The following RSPH10B variants were observed in gnomAD, a reference collection of about 807,000 sequenced individuals.
The protein encoded by RSPH10B is radial spoke head 10 homolog B (Chlamydomonas).
Under a neutral mutation model 52.5 loss-of-function variants are expected in RSPH10B, and 7 were observed. The ratio of observed to expected loss-of-function variants is 0.13; its 90% CI spans 0.08 to 0.25. The LOEUF is 0.25. Among genes scored for constraint, RSPH10B ranks in the 10% least tolerant of loss-of-function variants. RSPH10B has a pLI of 1.00. For missense variants in RSPH10B, 89 were observed against 542.5 expected (o/e 0.16, Z 8.30); for synonymous variants, 28 against 193.2 (o/e 0.14, Z 7.09).
At position 5,926,991 on chromosome 7, in the gene RSPH10B, G is replaced by A. The variant is rs528991878; in HGVS notation, c.2433-443C>T. 1.1e-4 allele frequency among the ~76,000 whole-genome samples: 17 copies of A among 151,250 alleles called. No homozygotes were observed. The Admixed American group carries it at 1.1e-3, about 10-fold the overall frequency. ...GCTGGTCTCAAACTCCTGACCTCAG[G>A]TGATCCACCCACCTCGGCCTCCCAA... On this transcript the variant is annotated intron_variant, in intron 18 of 18. Coordinates refer to ENST00000337579, the Ensembl canonical transcript of RSPH10B.
intron 5 of RSPH10B, 104 bp downstream of exon 7, chr7:5,958,889 C>G: frequency 1.4e-6 from 2 of 1,422,250 alleles, no homozygotes; most frequent in Non-Finnish European, 2.0e-6. Flanking sequence ...AGAAAATGTT[C>G]CGTGCAACTT....
chr7:5,927,059 T>TA (rs1779497721), intron 18 of RSPH10B, among the ~76,000 whole-genome samples: 2 of 85,852 alleles, frequency 2.3e-5, no homozygotes, highest in African/African-American at 4.9e-5. Flanking sequence ...TATGTGTGTG[T>TA]GTGTGTGTAT....
intron 9 of RSPH10B, among the ~76,000 whole-genome samples, chr7:5,950,290 G>A (rs1370151984): frequency 6.6e-6 from 1 of 152,064 alleles, no homozygotes; most frequent in South Asian, 2.1e-4. Flanking sequence ...GCAATATTCC[G>A]CCAGGTGCAG....
At chr7:5,931,144 C>T (rs1185224614) in intron 17 of RSPH10B, among the ~76,000 whole-genome samples, 12 of 141,212 alleles carry the variant, frequency 8.5e-5, no homozygotes, top group East Asian at 8.4e-4. Flanking sequence ...ATATTGGTCG[C>T]GCTGGTCTCG....
At chr7:5,956,848 C>G (rs1328407056) in intron 6 of RSPH10B, among the ~76,000 whole-genome samples, 1 of 96,830 alleles carries the variant, frequency 1.0e-5, no homozygotes, top group African/African-American at 3.5e-5. Flanking sequence ...ACGTGTGAGC[C>G]ACTGAGCCCA....
In RSPH10B at chr7:5,941,266, T is replaced by C. The variant is rs1780168902; in HGVS notation, c.1758+2058A>G. Among the ~76,000 whole-genome samples the C allele has an allele frequency of 3.5e-5, 5 of 141,442 alleles. No homozygotes were observed. In the South Asian group the frequency reaches 1.1e-3, roughly 31 times the overall value. The allele number at this position is 141,442 out of a possible 152,430, so 92.8% of individuals were successfully genotyped here. A position where few individuals can be genotyped will look rare whatever the true frequency, so the allele number is the denominator to read the frequency against. ...GCAGGAAGCCAAGATTGCACCACTGTACTCCAGCCTGGGTGACAGAGTGAG... is the reference window on the plus strand; with the variant it reads ...GCAGGAAGCCAAGATTGCACCACTGCACTCCAGCCTGGGTGACAGAGTGAG... On this transcript the variant is annotated intron_variant, in intron 13 of 18. Transcript: ENST00000337579.
chr7:5,942,030 T>C (rs1780220678), intron 13 of RSPH10B, among the ~76,000 whole-genome samples: 1 of 149,728 alleles, frequency 6.7e-6, no homozygotes, highest in Non-Finnish European at 1.5e-5. Context: ...GTGGCTGGGA[T>C]TACAGGCTCC....
intron 17 of RSPH10B, among the ~76,000 whole-genome samples, chr7:5,931,882 G>C (rs1779793858): frequency 6.6e-6 from 1 of 151,124 alleles, no homozygotes; most frequent in Non-Finnish European, 1.5e-5. Context: ...CCAGCTACTA[G>C]GGAGGCTGAG....
Position 5,928,331 on chromosome 7 carries a change from T to TACATA in RSPH10B, c.2292_2296dup (p.Tyr766LeufsTer7). On this transcript the variant is annotated frameshift_variant, in exon 18 of 19. Transcript: ENST00000337579. LOFTEE classifies it high-confidence loss of function. Reference sequence around the variant, plus strand: ...AAAGAGCGTGTTCACAAAGAAGACGTACATATTATTGACCCACGTGTTGAA... The same window carrying TACATA: ...AAAGAGCGTGTTCACAAAGAAGACGTACATAACATATTATTGACCCACGTGTTGAA... 1 of 1,613,276 alleles carries TACATA rather than the reference T, an allele frequency of 6.2e-7. No homozygotes were observed. Among genetic ancestry groups the TACATA allele is most frequent in the South Asian group, 1.1e-5 (1 of 91,074 alleles).
intron 18 of RSPH10B, among the ~76,000 whole-genome samples, chr7:5,927,090 G>GTATATATATA (rs1460769820): frequency 1.3e-5 from 1 of 74,426 alleles, no homozygotes; most frequent in African/African-American, 5.3e-5. Flanking sequence ...GTGTGTGTGT[G>GTATATATATA]TGTGTGTATT....
rs1353704507 is a variant in RSPH10B, at chr7:5,929,170, C to T, written c.2234-776G>A. ...GAGAATACAGGCATGTACCACCACA[C>T]GAGGCTAATTGTTTTAAGTATTACT... On this transcript the variant is annotated intron_variant, in intron 17 of 18. Coordinates refer to ENST00000337579, the Ensembl canonical transcript of RSPH10B. 3.4e-5 allele frequency among the ~76,000 whole-genome samples: 5 copies of T among 145,366 alleles called. 1 individual carries two copies. Among genetic ancestry groups the T allele is most frequent in the African/African-American group, 1.3e-4 (5 of 38,080 alleles).
chr7:5,941,794 A>G (rs1404837872), intron 13 of RSPH10B, among the ~76,000 whole-genome samples: 2 of 141,356 alleles, frequency 1.4e-5, no homozygotes, highest in East Asian at 1.9e-4. Context: ...GTATGAGAAC[A>G]TTGTATAAAT....
At chr7:5,932,078 C>T (rs1305252311) in intron 17 of RSPH10B, among the ~76,000 whole-genome samples, 2 of 142,310 alleles carry the variant, frequency 1.4e-5, no homozygotes, top group African/African-American at 5.3e-5. Flanking sequence ...GCAAGGCCAG[C>T]AGAGTAACAG....
rs186221893 is a variant in RSPH10B at position 5,929,220 on chromosome 7, T to C, written c.2234-826A>G. On this transcript the variant is annotated intron_variant, in intron 17 of 18. Transcript: ENST00000337579. The stretch of plus-strand genomic sequence containing the variant: ...TGTGAGGCAAGATCTTGCTCTGTCA[T>C]CCAGGCTGGAGTGCAGTGGTACCAT... Among the ~76,000 whole-genome samples the C allele has an allele frequency of 1.6e-3, 228 of 142,584 alleles. 24 individuals are homozygous for C. Among genetic ancestry groups the C allele is most frequent in the African/African-American group, 5.6e-3 (208 of 37,074 alleles). The allele number at this position is 142,584 out of a possible 152,430, so 93.5% of individuals were successfully genotyped here.
rs1780328383 is a variant in RSPH10B at position 5,943,636 on chromosome 7, C to CA, written c.1610-165dup. ...TTGGCTCGCTGCAACCTCCGCCCCCCAGGCTCAAGCGATTCTCCTGCCTCA... is the reference window on the plus strand; with the variant it reads ...TTGGCTCGCTGCAACCTCCGCCCCCCAAGGCTCAAGCGATTCTCCTGCCTCA... On this transcript the variant is annotated intron_variant, in intron 12 of 18. Coordinates refer to ENST00000337579, the Ensembl canonical transcript of RSPH10B. Among the ~76,000 whole-genome samples the CA allele has an allele frequency of 8.7e-5, 13 of 148,656 alleles. No homozygotes were observed. The South Asian group carries it at 2.7e-3, about 31-fold the overall frequency.
intron 2 of RSPH10B, among the ~76,000 whole-genome samples, chr7:5,965,238 CA>C (rs1196148540): frequency 0.015 from 4 of 264 alleles, no homozygotes; most frequent in African/African-American, 0.053. Context: ...TTGTCTCTAC[CA>C]AAAAAAAAAA....
At chr7:5,943,377 C>T in exon 13 of RSPH10B, 1 of 1,601,062 alleles carries the variant, frequency 6.2e-7, no homozygotes, top group Non-Finnish European at 8.5e-7. Flanking sequence ...TGGGGAGGCG[C>T]TGCACTGGGT....
chr7:5,943,115 A>G, intron 13 of RSPH10B: 2 of 1,116,452 alleles, frequency 1.8e-6, no homozygotes, highest in Non-Finnish European at 1.3e-6. Flanking sequence ...ATCTGTTAGC[A>G]TATTGGGCAG....
chr7:5,941,637 G>A (rs1334352728), intron 13 of RSPH10B, among the ~76,000 whole-genome samples: 5 of 144,844 alleles, frequency 3.5e-5, no homozygotes, highest in African/African-American at 5.0e-5. Flanking sequence ...CCAGCTACTC[G>A]GGAGGCTGAG....
Sources: allele counts gnomAD v4.1 joint callset (sites outside exome capture counted in the v4.1 genomes callset), GRCh38; gene constraint gnomAD v4.1.1; transcripts MANE v1.5; gene names NCBI Gene and HGNC (gene_info 2026-07-23, HGNC 2026-07-21).